Variants in SLC39A9 observed in about 807,000 individuals in gnomAD.
SLC39A9 encodes zinc transporter ZIP9.
SLC39A9 carries 14 observed loss-of-function variants against 28.4 expected under a neutral mutation model. That is an observed-to-expected ratio of 0.49 (90% CI 0.33 to 0.77). The LOEUF is 0.77. Among genes scored for constraint, SLC39A9 ranks in the 30% least tolerant of loss-of-function variants. The pLI, the probability that SLC39A9 is intolerant of heterozygous loss-of-function variation, is 0.02. For synonymous variants in SLC39A9, 119 were observed against 149.6 expected (o/e 0.80, Z 1.49); for missense variants, 283 against 381.1 (o/e 0.74, Z 2.14).
At chr14:69,430,313 T>C (rs868317304) in intron 2 of SLC39A9, among the ~76,000 whole-genome samples, 2 of 152,242 alleles carry the variant, frequency 1.3e-5, no homozygotes, top group Non-Finnish European at 1.5e-5. Context: ...TTCTAGAACT[T>C]TTATGATTTT....
intron 2 of SLC39A9, among the ~76,000 whole-genome samples, chr14:69,430,304 T>C (rs1884422433): frequency 6.6e-6 from 1 of 152,232 alleles, no homozygotes; most frequent in Non-Finnish European, 1.5e-5. Flanking sequence ...TTTGTTTTCT[T>C]CTAGAACTTT....
intron 3 of SLC39A9, among the ~76,000 whole-genome samples, chr14:69,446,333 G>C (rs1885300715): frequency 6.6e-6 from 1 of 151,138 alleles, no homozygotes; most frequent in Non-Finnish European, 1.5e-5. Flanking sequence ...TAGAAATAAA[G>C]ACATCCCACT....
Position 69,458,972 on chromosome 14 carries a change from CTTTCTTCTTAG to C in SLC39A9, c.*383_*393del, listed in dbSNP as rs1885995335. The C allele has an allele frequency of 1.0e-6, 1 of 1,000,346 alleles. No individual in the cohort carries two copies. Among genetic ancestry groups the C allele is most frequent in the African/African-American group, 1.7e-5 (1 of 57,770 alleles). 62.0% of individuals were successfully genotyped at this position (1,000,346 alleles called of 1,614,324 possible). ...AGTGTTCTGTAATTAAGCTATGTCT[CTTTCTTCTTAG>C]TTTAGAGGCTCTGCTACTTTATCCA... On this transcript the variant is annotated 3_prime_UTR_variant, in exon 7 of 7. Coordinates refer to ENST00000336643, the MANE Select transcript of SLC39A9 (RefSeq NM_018375.5).
intron 2 of SLC39A9, among the ~76,000 whole-genome samples, chr14:69,428,283 A>G (rs1035795858): frequency 1.7e-4 from 26 of 152,140 alleles, no homozygotes; most frequent in Non-Finnish European, 3.4e-4. Flanking sequence ...TCAAAAAAAA[A>G]AAAAAAAAGT....
chr14:69,457,490 C>T (rs1885926138), intron 6 of SLC39A9, among the ~76,000 whole-genome samples: 1 of 152,118 alleles, frequency 6.6e-6, no homozygotes, highest in East Asian at 1.9e-4. Flanking sequence ...CATGAGCCAC[C>T]ACGCCCGGCT....
chr14:69,429,398 T>A (rs868383363), intron 2 of SLC39A9: 1 of 152,226 alleles, frequency 6.6e-6, no homozygotes, highest in Non-Finnish European at 1.5e-5. Context: ...CATGTTTGGC[T>A]ATTCCTTCAC....
intron 2 of SLC39A9, among the ~76,000 whole-genome samples, chr14:69,433,000 T>C (rs1226330249): frequency 2.0e-5 from 3 of 152,250 alleles, no homozygotes; most frequent in Admixed American, 6.5e-5. Context: ...TGCTTAGGAT[T>C]GCTTTGGCTA....
At chr14:69,430,056 A>C (rs1377562055) in intron 2 of SLC39A9, among the ~76,000 whole-genome samples, 1 of 152,126 alleles carries the variant, frequency 6.6e-6, no homozygotes, top group Non-Finnish European at 1.5e-5. Context: ...GAGTTTCCTT[A>C]TTACTGAGTT....
intron 3 of SLC39A9, among the ~76,000 whole-genome samples, chr14:69,446,524 G>C (rs1225097845): frequency 6.6e-6 from 1 of 151,904 alleles, no homozygotes; most frequent in Non-Finnish European, 1.5e-5. Context: ...CCACATGTGG[G>C]ATAAGTTGAG....
chr14:69,445,033 C>A, intron 3 of SLC39A9, among the ~76,000 whole-genome samples: 1 of 147,600 alleles, frequency 6.8e-6, no homozygotes, highest in Non-Finnish European at 1.5e-5. Flanking sequence ...GAGAGATTTC[C>A]AGGAGGTATT....
In SLC39A9 at chr14:69,461,466, A is replaced by G. The variant is rs1422976164; in HGVS notation, c.*2873A>G. On this transcript the variant is annotated 3_prime_UTR_variant, in exon 7 of 7. Coordinates refer to ENST00000336643, the MANE Select transcript of SLC39A9 (RefSeq NM_018375.5). ...TGGAACGTAGACAGTTGGAAACAGT[A>G]CTACCTACCTAGAGGTTATGTGTTT... The G allele has an allele frequency of 1.4e-6, 2 of 1,391,848 alleles. No individual in the cohort carries two copies. Among genetic ancestry groups the G allele is most frequent in the Non-Finnish European group, 1.9e-6 (2 of 1,072,720 alleles). 86.2% of individuals were successfully genotyped at this position (1,391,848 alleles called of 1,614,324 possible).
chr14:69,452,518 C>T (rs1165635473), intron 3 of SLC39A9, among the ~76,000 whole-genome samples: 5 of 150,248 alleles, frequency 3.3e-5, no homozygotes, highest in African/African-American at 9.7e-5. Flanking sequence ...TTAGTAGAAA[C>T]GTGGTTTCAC....
intron 2 of SLC39A9, among the ~76,000 whole-genome samples, chr14:69,436,890 G>C (rs187287700): frequency 8.5e-5 from 13 of 152,244 alleles, no homozygotes; most frequent in Admixed American, 3.9e-4. Context: ...CAGCAGAAAA[G>C]GCAGAACAGC....
At chr14:69,408,415 A>G (rs2140251211) in intron 1 of SLC39A9, among the ~76,000 whole-genome samples, 1 of 152,358 alleles carries the variant, frequency 6.6e-6, no homozygotes, top group South Asian at 2.1e-4. Context: ...GTAATGGATC[A>G]TAAAATCAAA....
chr14:69,411,949 A>AT (rs1289561479), intron 1 of SLC39A9, among the ~76,000 whole-genome samples: 1 of 151,594 alleles, frequency 6.6e-6, no homozygotes, highest in Non-Finnish European at 1.5e-5. Flanking sequence ...TGCCCAGCTC[A>AT]TTTTTGTATT....
At chr14:69,421,736 G>T (rs1475795718) in intron 1 of SLC39A9, among the ~76,000 whole-genome samples, 2 of 152,190 alleles carry the variant, frequency 1.3e-5, no homozygotes, top group African/African-American at 4.8e-5. Flanking sequence ...CAGTCAGGCT[G>T]CCTCCTTGAA....
At chr14:69,449,421 T>C (rs1364571271) in intron 3 of SLC39A9, among the ~76,000 whole-genome samples, 1 of 152,118 alleles carries the variant, frequency 6.6e-6, no homozygotes, top group East Asian at 1.9e-4. Flanking sequence ...GCCCAGGAGT[T>C]TGAGACCAGC....
At chr14:69,454,945 T>A in intron 5 of SLC39A9, 48 bp downstream of exon 5, 1 of 1,422,802 alleles carries the variant, frequency 7.0e-7, no homozygotes, top group South Asian at 1.2e-5. Context: ...TATTCATAAT[T>A]AAAATTTCTC....
chr14:69,454,737 T>C (rs1885779820), intron 4 of SLC39A9, 75 bp from the exon 5 acceptor site: 18 of 1,227,860 alleles, frequency 1.5e-5, no homozygotes, highest in Non-Finnish European at 1.9e-5. Context: ...ACTGTAAAGC[T>C]CATACACTCA....
Sources: gnomAD v4.1 joint callset for allele counts (sites outside exome capture counted in the v4.1 genomes callset) on GRCh38, gnomAD v4.1.1 for gene constraint, MANE v1.5 for transcripts, NCBI Gene and HGNC (gene_info 2026-07-23, HGNC 2026-07-21) for gene names.